EVX1: variants seen among roughly 807,000 people sequenced by gnomAD.
EVX1 encodes homeobox even-skipped homolog protein 1.
EVX1 carries 19 observed loss-of-function variants against 28.6 expected under a neutral mutation model. That is an observed-to-expected ratio of 0.67 (90% CI 0.46 to 0.98). The LOEUF (loss-of-function observed/expected upper bound fraction) is 0.98. Among genes scored for constraint, EVX1 ranks in the 50% least tolerant of loss-of-function variants. The pLI, the probability that EVX1 is intolerant of heterozygous loss-of-function variation, is 0.00. For missense variants in EVX1, 660 were observed against 583.0 expected (o/e 1.13, Z -1.36); for synonymous variants, 324 against 278.2 (o/e 1.16, Z -1.64).
rs750593673 is a variant in EVX1 at position 27,246,201 on chromosome 7, G to C, written c.1000G>C (p.Gly334Arg). The stretch of plus-strand genomic sequence containing the variant: ...CTTCCGCCACCCGCCGCTCTACCCC[G>C]GGCCCGCGCACGGACTGGGCGCCTC... ...CAFRHPPLYP[G>R]PAHGLGASAG... Residue 334 changes from glycine to arginine, a missense_variant, in exon 3 of 3, where the codon GGG becomes CGG. Around this residue, in one of 3 missense-constraint regions of EVX1, gnomAD observed 299 missense variants for 241.3 expected, o/e 1.24. Coordinates refer to ENST00000496902, the MANE Select transcript of EVX1 (RefSeq NM_001989.5). 2.7e-6 allele frequency: 4 copies of C among 1,498,162 alleles called. No individual in the cohort carries two copies. Among genetic ancestry groups the C allele is most frequent in the Non-Finnish European group, 3.5e-6 (4 of 1,133,812 alleles). The allele number at this position is 1,498,162 out of a possible 1,614,324, so 92.8% of individuals were successfully genotyped here. A position where few individuals can be genotyped will look rare whatever the true frequency, so the allele number is the denominator to read the frequency against.
chr7:27,244,987 A>T (rs1245882543), intron 1 of EVX1, 61 bp from the exon 2 acceptor site: 1 of 1,563,618 alleles, frequency 6.4e-7, no homozygotes, highest in Non-Finnish European at 8.6e-7. Context: ...CTACAGCCCC[A>T]CTTCAATGGC....
chr7:27,246,086 C>A lies in EVX1; in HGVS notation c.885C>A (p.Ala295=). The change falls in exon 3 of 3, where the codon GCC becomes GCA. Residue 295 remains alanine (A), a synonymous_variant. Transcript: ENST00000496902. The stretch of plus-strand genomic sequence containing the variant: ...TGGGCGCCGCATCCGCCGCCTCCGC[C>A]GCCGCCTCGCCCTTCAGCGGCTCGC... ...VGLGAASAAS[A]AASPFSGSLR... is the part of the protein sequence containing the mutation. 1 of 1,568,444 alleles carries A rather than the reference C, an allele frequency of 6.4e-7. No homozygotes were observed. The highest frequency in any genetic ancestry group is 1.8e-5 in the Admixed American group (1 of 56,430).
chr7:27,246,161 C>A lies in EVX1; in HGVS notation c.960C>A (p.Pro320=). 6.7e-7 allele frequency: 1 copy of A among 1,503,460 alleles called. No individual in the cohort carries two copies. Among genetic ancestry groups the A allele is most frequent in the South Asian group, 1.3e-5 (1 of 79,970 alleles). 93.1% of individuals were successfully genotyped at this position (1,503,460 alleles called of 1,614,324 possible). ...TGCTGTCGCAGCCCTACCCGCGGCC[C>A]GAACTGCTGTGCGCCTTCCGCCACC... The part of the protein sequence containing the change: ...FRVLSQPYPR[P]ELLCAFRHPP... Residue 320 remains proline, a synonymous_variant, in exon 3 of 3, where the codon CCC becomes CCA. Coordinates refer to ENST00000496902, the MANE Select transcript of EVX1 (RefSeq NM_001989.5).
chr7:27,244,551 C>T, intron 1 of EVX1: 2 of 953,260 alleles, frequency 2.1e-6, no homozygotes, highest in Non-Finnish European at 2.5e-6. Flanking sequence ...TGCATTCTCA[C>T]TCCAGCCCTG....
chr7:27,246,174 G>A lies in EVX1; in HGVS notation c.973G>A (p.Ala325Thr), dbSNP rs756788009. Reference sequence around the variant, plus strand: ...CTACCCGCGGCCCGAACTGCTGTGCGCCTTCCGCCACCCGCCGCTCTACCC... The same window carrying A: ...CTACCCGCGGCCCGAACTGCTGTGCACCTTCCGCCACCCGCCGCTCTACCC... ...QPYPRPELLCAFRHPPLYPGP... is the reference protein window; with the variant it reads ...QPYPRPELLCTFRHPPLYPGP... Residue 325 changes from alanine (A) to threonine (T), a missense_variant, in exon 3 of 3, where the codon GCC (alanine) becomes ACC (threonine). This residue lies in a region of EVX1 where 299 missense variants were observed against 241.3 expected (regional missense o/e 1.24). Transcript: ENST00000496902. 1.9e-4 allele frequency: 283 copies of A among 1,490,346 alleles called. 1 individual carries two copies. The highest frequency in any genetic ancestry group is 4.4e-4 in the Middle Eastern group (2 of 4,548). The allele number at this position is 1,490,346 out of a possible 1,614,324, so 92.3% of individuals were successfully genotyped here.
Position 27,242,984 on chromosome 7 carries a change from T to A in EVX1, c.-47T>A. 6.8e-7 allele frequency: 1 copy of A among 1,463,838 alleles called. No individual in the cohort carries two copies. Among genetic ancestry groups the A allele is most frequent in the South Asian group, 1.4e-5 (1 of 69,826 alleles). The allele number at this position is 1,463,838 out of a possible 1,614,324, so 90.7% of individuals were successfully genotyped here. Reference sequence around the variant, plus strand: ...CGCTGGAGACCCAGGGAGCCGGGGTTAGGAACTCACTTGGGGCTTTCCCCT... The same window carrying A: ...CGCTGGAGACCCAGGGAGCCGGGGTAAGGAACTCACTTGGGGCTTTCCCCT... On this transcript the variant is annotated 5_prime_UTR_variant, in exon 1 of 3. Transcript: ENST00000496902.
intron 1 of EVX1, chr7:27,244,477 A>G (rs975150475): frequency 2.0e-6 from 2 of 987,930 alleles, no homozygotes; most frequent in Non-Finnish European, 2.4e-6. Flanking sequence ...CCTCCTTCCC[A>G]TAACCCTCAG....
At position 27,246,161 on chromosome 7, in the gene EVX1, C is replaced by G. The variant is rs1346182328; in HGVS notation, c.960C>G (p.Pro320=). The G allele has an allele frequency of 8.0e-6, 12 of 1,503,356 alleles. No individual in the cohort carries two copies. The highest frequency in any genetic ancestry group is 9.7e-6 in the Non-Finnish European group (11 of 1,135,926). 93.1% of individuals were successfully genotyped at this position (1,503,356 alleles called of 1,614,324 possible). A position where few individuals can be genotyped will look rare whatever the true frequency, so the allele number is the denominator to read the frequency against. ...FRVLSQPYPR[P]ELLCAFRHPP... The stretch of plus-strand genomic sequence containing the variant: ...TGCTGTCGCAGCCCTACCCGCGGCC[C>G]GAACTGCTGTGCGCCTTCCGCCACC... The change falls in exon 3 of 3, where the codon CCC becomes CCG. Residue 320 remains proline (P), a synonymous_variant. Coordinates refer to ENST00000496902, the MANE Select transcript of EVX1 (RefSeq NM_001989.5).
In EVX1 at chr7:27,246,018, T is replaced by A. The variant is rs1048729773; in HGVS notation, c.817T>A (p.Phe273Ile). The change falls in exon 3 of 3, where the codon TTC becomes ATC. Residue 273 changes from phenylalanine (F) to isoleucine (I), a missense_variant. This residue lies in a region of EVX1 where 299 missense variants were observed against 241.3 expected (regional missense o/e 1.24). Coordinates refer to ENST00000496902, the MANE Select transcript of EVX1 (RefSeq NM_001989.5). ...GGCCGCGGGCGGCCTGCCCTACCCC[T>A]TCCCATCGCACCTGCCCCTGCCCTA... ...AAAAGGLPYP[F>I]PSHLPLPYYS... 1 of 1,599,158 alleles carries A rather than the reference T, an allele frequency of 6.3e-7. No individual in the cohort carries two copies. Among genetic ancestry groups the A allele is most frequent in the South Asian group, 1.1e-5 (1 of 91,016 alleles).
rs755071504 is a variant in EVX1 at position 27,245,125 on chromosome 7, G to A, written c.505G>A (p.Gly169Ser). 1 of 1,613,078 alleles carries A rather than the reference G, an allele frequency of 6.2e-7. No individual in the cohort carries two copies. The highest frequency in any genetic ancestry group is 1.7e-5 in the Admixed American group (1 of 60,024). Residue 169 changes from glycine (G) to serine (S), a missense_variant, in exon 2 of 3, where the codon GGC (glycine) becomes AGC (serine). Around this residue, in one of 3 missense-constraint regions of EVX1, gnomAD observed 308 missense variants for 256.6 expected, o/e 1.20. Coordinates refer to ENST00000496902, the MANE Select transcript of EVX1 (RefSeq NM_001989.5). Reference protein sequence around the residue: ...TPKSNGGSGGGGSQGTLACSA... With the variant: ...TPKSNGGSGGSGSQGTLACSA... The stretch of plus-strand genomic sequence containing the variant: ...CAAGAGCAACGGCGGCAGTGGTGGG[G>A]GCGGCTCGCAAGGCACCCTGGCGTG...
In EVX1 at chr7:27,242,934, C is replaced by A; in HGVS notation, c.-97C>A. The A allele has an allele frequency of 7.5e-7, 1 of 1,325,408 alleles. No homozygotes were observed. The highest frequency in any genetic ancestry group is 1.0e-6 in the Non-Finnish European group (1 of 1,003,820). 82.1% of individuals were successfully genotyped at this position (1,325,408 alleles called of 1,614,324 possible). A position where few individuals can be genotyped will look rare whatever the true frequency, so the allele number is the denominator to read the frequency against. ...CCAGGCACCCGGCCTTTCTTTCTCC[C>A]TCTTGCAACCAAGATCCGTCCGGCC... On this transcript the variant is annotated 5_prime_UTR_variant, in exon 1 of 3. Transcript: ENST00000496902.
chr7:27,242,870 G>A lies in EVX1; in HGVS notation c.-161G>A. The A allele has an allele frequency of 5.4e-6, 4 of 739,706 alleles. No homozygotes were observed. In the South Asian group the frequency reaches 6.0e-5, roughly 11 times the overall value. 45.8% of individuals were successfully genotyped at this position (739,706 alleles called of 1,614,324 possible). A position where few individuals can be genotyped will look rare whatever the true frequency, so the allele number is the denominator to read the frequency against. Reference sequence around the variant, plus strand: ...CCTAGCTCCCACCGCCACCGCCGCGGTCGCGGTCCAGACCGCGCTCCAGCA... The same window carrying A: ...CCTAGCTCCCACCGCCACCGCCGCGATCGCGGTCCAGACCGCGCTCCAGCA... On this transcript the variant is annotated 5_prime_UTR_variant, in exon 1 of 3. Coordinates refer to ENST00000496902, the MANE Select transcript of EVX1 (RefSeq NM_001989.5).
In EVX1 at chr7:27,245,921, G is replaced by T. The variant is rs773784855; in HGVS notation, c.720G>T (p.Arg240=). 7 of 1,611,596 alleles carry T rather than the reference G, an allele frequency of 4.3e-6. No homozygotes were observed. The East Asian group carries it at 1.6e-4, about 36-fold the overall frequency. ...AGAACCGGCGCATGAAGGACAAGCG[G>T]CAGCGCCTGGCCATGACGTGGCCGC... The part of the protein sequence containing the change: ...WFQNRRMKDK[R]QRLAMTWPHP... The change falls in exon 3 of 3, where the codon CGG becomes CGT. Residue 240 remains arginine (R), a synonymous_variant. Transcript: ENST00000496902.
rs1057462019 is a variant in EVX1 at position 27,246,582 on chromosome 7, G to A, written c.*157G>A. 6 of 794,010 alleles carry A rather than the reference G, an allele frequency of 7.6e-6. No individual in the cohort carries two copies. The highest frequency in any genetic ancestry group is 1.8e-5 in the African/African-American group (1 of 54,630). 49.2% of individuals were successfully genotyped at this position (794,010 alleles called of 1,614,324 possible). ...AAGGACCAGCGGGATCCGGCCGCAA[G>A]AATTGGAAAGCCTAGGAAGTGGCGG... On this transcript the variant is annotated 3_prime_UTR_variant, in exon 3 of 3. Coordinates refer to ENST00000496902, the MANE Select transcript of EVX1 (RefSeq NM_001989.5).
At chr7:27,243,650 A>G (rs1583464291) in intron 1 of EVX1, 193 bp downstream of exon 1, 3 of 604,970 alleles carry the variant, frequency 5.0e-6, no homozygotes, top group Non-Finnish European at 5.4e-6. Context: ...ACTGAGGGTG[A>G]CAGCAGTGCC....
Position 27,246,058 on chromosome 7 carries a change from G to T in EVX1, c.857G>T (p.Gly286Val). The T allele has an allele frequency of 6.3e-7, 1 of 1,585,164 alleles. No homozygotes were observed. The highest frequency in any genetic ancestry group is 1.7e-5 in the Admixed American group (1 of 58,758). The change falls in exon 3 of 3, where the codon GGC becomes GTC. Residue 286 changes from glycine to valine, a missense_variant. This residue lies in a region of EVX1 where 299 missense variants were observed against 241.3 expected (regional missense o/e 1.24). Transcript: ENST00000496902. Reference protein sequence around the residue: ...HLPLPYYSPVGLGAASAASAA... With the variant: ...HLPLPYYSPVVLGAASAASAA... ...CCCCTGCCCTACTACTCGCCGGTGG[G>T]CCTGGGCGCCGCATCCGCCGCCTCC...
chr7:27,244,705 A>G (rs1247240854), intron 1 of EVX1, among the ~76,000 whole-genome samples: 1 of 152,082 alleles, frequency 6.6e-6, no homozygotes, highest in Non-Finnish European at 1.5e-5. Context: ...GTGCATCTCA[A>G]CTCATGTGCC....
At chr7:27,244,222 GC>G (rs1206473686) in intron 1 of EVX1, among the ~76,000 whole-genome samples, 3 of 152,238 alleles carry the variant, frequency 2.0e-5, no homozygotes, top group Admixed American at 6.5e-5. Flanking sequence ...GGGGTGGATA[GC>G]CCGGAAGGGA....
chr7:27,244,848 C>T (rs1056460809), intron 1 of EVX1, among the ~76,000 whole-genome samples, 200 bp from the exon 2 acceptor site: 25 of 152,200 alleles, frequency 1.6e-4, no homozygotes, highest in Admixed American at 1.4e-3. Context: ...AAGACCTCTA[C>T]CTACCCAATC....
Sources: gnomAD v4.1 joint callset for allele counts (sites outside exome capture counted in the v4.1 genomes callset) on GRCh38, gnomAD v4.1.1 for gene constraint, gnomAD v4.1.1 regional missense constraint, MANE v1.5 for transcripts, NCBI Gene and HGNC (gene_info 2026-07-23, HGNC 2026-07-21) for gene names.